ZNF540: variants seen among roughly 807,000 people sequenced by gnomAD.
The protein encoded by ZNF540 is CTD-3064H18.6.
A neutral mutation model predicts 11.8 loss-of-function variants in ZNF540; 3 were observed. The ratio of observed to expected loss-of-function variants is 0.25; its 90% CI spans 0.12 to 0.65. The LOEUF is 0.65. Ranked by LOEUF, ZNF540 falls within the 30% of genes least tolerant of loss-of-function variation. The pLI is 0.83. For synonymous variants in ZNF540, 247 were observed against 259.0 expected (o/e 0.95, Z 0.45); for missense variants, 709 against 793.1 (o/e 0.89, Z 1.27).
At chr19:37,557,357 GC>G (rs2042670355) in intron 1 of ZNF540, among the ~76,000 whole-genome samples, 1 of 152,182 alleles carries the variant, frequency 6.6e-6, no homozygotes, top group South Asian at 2.1e-4. Flanking sequence ...GAGGTGAGTA[GC>G]CTGCGCTCCT....
chr19:37,590,105 CA>C (rs35486913), upstream of ZNF540, among the ~76,000 whole-genome samples: 117,165 of 151,162 alleles, frequency 0.78, 45,521 homozygotes, highest in South Asian at 0.87. Context: ...AGATAAGGGG[CA>C]AAAAAAGGCT....
In ZNF540 at chr19:37,559,196, C is replaced by G. The variant is rs73617129; in HGVS notation, c.-73+7531C>G. Among the ~76,000 whole-genome samples the G allele has an allele frequency of 5.9e-3, 902 of 152,326 alleles. 10 individuals carry two copies. Among genetic ancestry groups the G allele is most frequent in the African/African-American group, 0.02 (852 of 41,582 alleles). On this transcript the variant is annotated intron_variant, in intron 1 of 4. Coordinates refer to the ZNF540 transcript ENST00000592533. ...ATACAAACCAATTATTCCATCATGG[C>G]TCCAACAGAAGCTCATGTTTTTTGA... is the stretch of plus-strand genomic sequence containing the variant.
At chr19:37,584,097 A>G (rs369785388) in intron 1 of ZNF540, 52 of 1,613,974 alleles carry the variant, frequency 3.2e-5, no homozygotes, top group Middle Eastern at 1.6e-4. Context: ...GTCACCAACA[A>G]CTGAAACAAC....
chr19:37,552,664 A>C (rs894368273), intron 1 of ZNF540, among the ~76,000 whole-genome samples: 6 of 152,114 alleles, frequency 3.9e-5, no homozygotes, highest in Admixed American at 6.5e-5. Context: ...ATTTGTTGTG[A>C]GGGCCGGGTG....
intron 1 of ZNF540, chr19:37,586,783 T>G (rs1391821271): frequency 4.9e-6 from 6 of 1,212,248 alleles, no homozygotes; most frequent in Non-Finnish European, 7.2e-6. Context: ...TAGACTTGGC[T>G]CACAGCCCAC....
chr19:37,557,423 T>C (rs148211640), intron 1 of ZNF540, among the ~76,000 whole-genome samples: 3,966 of 152,242 alleles, frequency 0.026, 184 homozygotes, highest in African/African-American at 0.089. Flanking sequence ...CTGTCAGTGT[T>C]AACGTTAATA....
chr19:37,608,570 T>G (rs558754155), intron 4 of ZNF540, among the ~76,000 whole-genome samples: 1 of 152,338 alleles, frequency 6.6e-6, no homozygotes, highest in South Asian at 2.1e-4. Flanking sequence ...TCTCGCCTTT[T>G]AGTTTTCCTT....
rs953484814 is a variant in ZNF540 at position 37,610,500 on chromosome 19, C to T, written c.233-1013C>T. Among the ~76,000 whole-genome samples, 6 of 152,300 alleles carry T rather than the reference C, an allele frequency of 3.9e-5. No homozygotes were observed. The East Asian group carries it at 7.7e-4, about 20-fold the overall frequency. On this transcript the variant is annotated intron_variant, in intron 4 of 4. Coordinates refer to ENST00000316433, the MANE Select transcript of ZNF540 (RefSeq NM_001172225.3). ...TAAAGGACATAGACTGCCTTACAGTCGGTAGGGCAAGCCTTTCTGTGTAAG... is the reference window on the plus strand; with the variant it reads ...TAAAGGACATAGACTGCCTTACAGTTGGTAGGGCAAGCCTTTCTGTGTAAG...
At chr19:37,580,058 C>T (rs972053822) in intron 1 of ZNF540, among the ~76,000 whole-genome samples, 4 of 152,108 alleles carry the variant, frequency 2.6e-5, no homozygotes, top group African/African-American at 7.2e-5. Context: ...ATTTACAGCA[C>T]GGATAGACAT....
intron 1 of ZNF540, among the ~76,000 whole-genome samples, chr19:37,597,150 A>G (rs981646147): frequency 6.6e-6 from 1 of 151,522 alleles, no homozygotes; most frequent in Non-Finnish European, 1.5e-5. Flanking sequence ...TAAGGTATGC[A>G]TCACATAAAA....
chr19:37,599,527 T>C (rs1053074170), intron 2 of ZNF540, 99 bp from the exon 3 acceptor site: 5 of 1,442,142 alleles, frequency 3.5e-6, no homozygotes, highest in African/African-American at 1.4e-5. Flanking sequence ...GAGTTTAGTA[T>C]AGTACCCCTT....
At position 37,613,107 on chromosome 19, in the gene ZNF540, TA is replaced by T; in HGVS notation, c.1830del (p.Lys610AsnfsTer50). Reference protein sequence around the residue: ...IHTGEKPYECKQCGKAFRLNS... With the variant: ...IHTGEKPYECXQCGKAFRLNS... ...ATACTGGTGAGAAACCCTATGAGTG[TA>T]AACAATGTGGGAAGGCCTTTAGACT... On this transcript the variant is annotated frameshift_variant, in exon 5 of 5. Transcript: ENST00000316433. LOFTEE classifies it low-confidence loss of function (END_TRUNC). The T allele has an allele frequency of 1.2e-6, 2 of 1,614,066 alleles. No homozygotes were observed. The highest frequency in any genetic ancestry group is 1.7e-6 in the Non-Finnish European group (2 of 1,179,986).
intron 1 of ZNF540, among the ~76,000 whole-genome samples, chr19:37,568,209 A>G (rs2042929484): frequency 6.6e-6 from 1 of 152,198 alleles, no homozygotes; most frequent in Non-Finnish European, 1.5e-5. Context: ...AAATAAATAC[A>G]CATCAGTAAG....
At chr19:37,572,642 T>C (rs2043103159) in intron 1 of ZNF540, among the ~76,000 whole-genome samples, 2 of 152,194 alleles carry the variant, frequency 1.3e-5, no homozygotes, top group Admixed American at 6.5e-5. Context: ...GCTAAGAAAG[T>C]ATGCAAGAAC....
Position 37,579,594 on chromosome 19 carries a change from G to C in ZNF540, c.-72-18782G>C, listed in dbSNP as rs574247278. Among the ~76,000 whole-genome samples the C allele has an allele frequency of 2.4e-4, 37 of 152,238 alleles. No individual in the cohort carries two copies. The South Asian group carries it at 7.7e-3, about 32-fold the overall frequency. The stretch of plus-strand genomic sequence containing the variant: ...TCACCGTATAAAATAACTTAAGATG[G>C]CCTGATCTAGTACATGCAGAAGCCT... On this transcript the variant is annotated intron_variant, in intron 1 of 4. Transcript: ENST00000592533.
chr19:37,604,993 T>C (rs1484622097), intron 4 of ZNF540, among the ~76,000 whole-genome samples: 1 of 152,262 alleles, frequency 6.6e-6, no homozygotes, highest in Admixed American at 6.5e-5. Flanking sequence ...TGCTGAATAG[T>C]ATTTCATATC....
chr19:37,556,955 C>T (rs1398127900), intron 1 of ZNF540, among the ~76,000 whole-genome samples: 1 of 152,180 alleles, frequency 6.6e-6, no homozygotes, highest in East Asian at 1.9e-4. Context: ...GAATGTTTAA[C>T]GCCTTACTGA....
rs143073955 is a variant in ZNF540 at position 37,612,756 on chromosome 19, G to A, written c.1476G>A (p.Val492=). 6.2e-4 allele frequency: 1,003 copies of A among 1,614,048 alleles called. No individual in the cohort carries two copies. The highest frequency in any genetic ancestry group is 7.8e-4 in the Non-Finnish European group (915 of 1,180,006). ...ISLHKKIHTD[V]KPYKCVRCGK... is the part of the protein sequence containing the mutation. ...TACATAAGAAAATTCATACTGATGT[G>A]AAGCCCTACAAATGTGTACGATGTG... Residue 492 remains valine (V), a synonymous_variant, in exon 5 of 5, where the codon GTG becomes GTA. Coordinates refer to ENST00000316433, the MANE Select transcript of ZNF540 (RefSeq NM_001172225.3).
At chr19:37,601,224 C>T in intron 4 of ZNF540, 119 bp downstream of exon 4, 1 of 751,096 alleles carries the variant, frequency 1.3e-6, no homozygotes, top group Non-Finnish European at 2.1e-6. Context: ...GGCCTCAGGC[C>T]TTTGGAGTAA....
Sources: gnomAD v4.1 joint callset for allele counts (sites outside exome capture counted in the v4.1 genomes callset) on GRCh38, gnomAD v4.1.1 for gene constraint, MANE v1.5 for transcripts, NCBI Gene and HGNC (gene_info 2026-07-23, HGNC 2026-07-21) for gene names.